SOCS5: variants seen among roughly 807,000 people sequenced by gnomAD.
The protein encoded by SOCS5 is CIS-6.
Under a neutral mutation model 42.8 loss-of-function variants are expected in SOCS5, and 32 were observed. The observed-to-expected ratio is 0.75, with a 90% CI of 0.56 to 1.01. The LOEUF is 1.01. Ranked by LOEUF, SOCS5 falls within the 50% of genes least tolerant of loss-of-function variation. The pLI, the probability that SOCS5 is intolerant of heterozygous loss-of-function variation, is 0.00. For synonymous variants in SOCS5, 283 were observed against 229.6 expected, an observed-to-expected ratio of 1.23 and a Z score of -2.10; for missense variants, 627 against 653.0, an observed-to-expected ratio of 0.96 and a Z score of 0.43.
chr2:46,724,227 C>CTT (rs571189318), intron 1 of SOCS5, among the ~76,000 whole-genome samples: 1 of 143,204 alleles, frequency 7.0e-6, no homozygotes. Flanking sequence ...AATTTGTCTG[C>CTT]TTTTTTTTTT....
chr2:46,730,615 C>A (rs1673094566), intron 1 of SOCS5, among the ~76,000 whole-genome samples: 1 of 151,992 alleles, frequency 6.6e-6, no homozygotes, highest in African/African-American at 2.4e-5. Context: ...GATTGAATGG[C>A]CCATATTTGG....
At chr2:46,758,231 C>G (rs1175890537) in intron 1 of SOCS5, among the ~76,000 whole-genome samples, 2 of 152,170 alleles carry the variant, frequency 1.3e-5, no homozygotes, top group African/African-American at 4.8e-5. Context: ...GAAAAAGAAA[C>G]CAGAGTTTAA....
At chr2:46,745,324 A>T (rs1673474037) in intron 1 of SOCS5, among the ~76,000 whole-genome samples, 1 of 152,098 alleles carries the variant, frequency 6.6e-6, no homozygotes, top group Admixed American at 6.5e-5. Flanking sequence ...TTTTAGGGGG[A>T]GACAGGAAAG....
At chr2:46,723,125 A>G (rs1421628400) in intron 1 of SOCS5, among the ~76,000 whole-genome samples, 1 of 151,976 alleles carries the variant, frequency 6.6e-6, no homozygotes, top group Non-Finnish European at 1.5e-5. Context: ...TACTCTTCAC[A>G]TTGTCTTTCA....
At chr2:46,720,063 G>A (rs1240248258) in intron 1 of SOCS5, among the ~76,000 whole-genome samples, 1 of 152,162 alleles carries the variant, frequency 6.6e-6, no homozygotes, top group African/African-American at 2.4e-5. Context: ...TGGGTTCACT[G>A]ATCAGAGCAT....
At chr2:46,703,829 A>G (rs2103686912) in intron 1 of SOCS5, among the ~76,000 whole-genome samples, 1 of 152,332 alleles carries the variant, frequency 6.6e-6, no homozygotes, top group East Asian at 1.9e-4. Context: ...TGAGTCAGCC[A>G]GCTATCCTAC....
At chr2:46,744,508 T>C (rs190594131) in intron 1 of SOCS5, among the ~76,000 whole-genome samples, 5 of 152,062 alleles carry the variant, frequency 3.3e-5, no homozygotes. Flanking sequence ...TCCAAACTAG[T>C]TCTTTCAAAA....
chr2:46,728,796 A>G (rs1320712060), intron 1 of SOCS5, among the ~76,000 whole-genome samples: 2 of 152,138 alleles, frequency 1.3e-5, no homozygotes, highest in Admixed American at 1.3e-4. Context: ...CCTCAAAGTG[A>G]TTCGTCCATC....
intron 1 of SOCS5, among the ~76,000 whole-genome samples, chr2:46,713,955 T>G (rs1041857639): frequency 6.6e-6 from 1 of 152,358 alleles, no homozygotes; most frequent in Admixed American, 6.5e-5. Context: ...TTGGTATTTT[T>G]CAGGTATCCT....
Position 46,760,323 on chromosome 2 carries a change from T to TA in SOCS5, c.*183dup. 1 of 594,760 alleles carries TA rather than the reference T, an allele frequency of 1.7e-6. No homozygotes were observed. Among genetic ancestry groups the TA allele is most frequent in the Non-Finnish European group, 3.0e-6 (1 of 329,322 alleles). 36.8% of individuals were successfully genotyped at this position (594,760 alleles called of 1,614,324 possible). On this transcript the variant is annotated 3_prime_UTR_variant, in exon 2 of 2. Transcript: ENST00000394861. ...ATAAACATGGTGCCTATTGGAACAA[T>TA]AGCGGATAGAGCTACAGGTGTTCAG...
intron 1 of SOCS5, among the ~76,000 whole-genome samples, chr2:46,733,853 C>G (rs1214017322): frequency 6.6e-6 from 1 of 152,078 alleles, no homozygotes; most frequent in Non-Finnish European, 1.5e-5. Context: ...TAATGACACA[C>G]CAAGAGTAAT....
intron 1 of SOCS5, among the ~76,000 whole-genome samples, chr2:46,746,269 A>C (rs1483274575): frequency 6.6e-6 from 1 of 151,718 alleles, no homozygotes; most frequent in Non-Finnish European, 1.5e-5. Flanking sequence ...ATTATTCACC[A>C]CTCCCCAGAG....
At chr2:46,755,024 T>C (rs2103760754) in intron 1 of SOCS5, among the ~76,000 whole-genome samples, 1 of 152,304 alleles carries the variant, frequency 6.6e-6, no homozygotes, top group South Asian at 2.1e-4. Context: ...TTAATCAGTC[T>C]ACCTGTCCCA....
intron 1 of SOCS5, among the ~76,000 whole-genome samples, chr2:46,700,232 G>A (rs940925115): frequency 7.2e-5 from 11 of 152,216 alleles, no homozygotes; most frequent in Non-Finnish European, 1.5e-4. Flanking sequence ...GGAGTCACAA[G>A]GAAATTTTGA....
intron 1 of SOCS5, among the ~76,000 whole-genome samples, chr2:46,724,594 A>G (rs1435602711): frequency 1.3e-5 from 2 of 151,860 alleles, no homozygotes; most frequent in East Asian, 1.9e-4. Context: ...AGTTCGAGAT[A>G]TTTTCTAACT....
chr2:46,724,285 C>T (rs1403275472), intron 1 of SOCS5, among the ~76,000 whole-genome samples: 1 of 151,046 alleles, frequency 6.6e-6, no homozygotes, highest in Non-Finnish European at 1.5e-5. Context: ...ACAATGTTGA[C>T]TAGAAGTGAC....
intron 1 of SOCS5, among the ~76,000 whole-genome samples, chr2:46,732,452 G>A (rs1366421781): frequency 6.6e-6 from 1 of 152,202 alleles, no homozygotes; most frequent in African/African-American, 2.4e-5. Context: ...GCAGAAGGAA[G>A]CCTGGTGTCT....
chr2:46,700,651 G>C (rs1452464154), intron 1 of SOCS5, among the ~76,000 whole-genome samples: 1 of 152,130 alleles, frequency 6.6e-6, no homozygotes, highest in Non-Finnish European at 1.5e-5. Context: ...ACTAAAATCA[G>C]GTTGAGTTTC....
intron 1 of SOCS5, among the ~76,000 whole-genome samples, chr2:46,704,800 A>G (rs148443647): frequency 1.3e-5 from 2 of 152,338 alleles, no homozygotes; most frequent in East Asian, 1.9e-4. Flanking sequence ...AGCCCTTTCA[A>G]ACACACCTGG....
Sources: allele counts gnomAD v4.1 joint callset (sites outside exome capture counted in the v4.1 genomes callset), GRCh38; gene constraint gnomAD v4.1.1; transcripts MANE v1.5; gene names NCBI Gene and HGNC (gene_info 2026-07-23, HGNC 2026-07-21).